The following FRMPD1 variants were observed in gnomAD, a reference collection of about 807,000 sequenced individuals.
FRMPD1 encodes the protein FERM and PDZ domain-containing protein 1.
FRMPD1 carries 76 observed loss-of-function variants against 117.8 expected under a neutral mutation model. The observed-to-expected ratio is 0.65, with a 90% CI of 0.54 to 0.78. The LOEUF (loss-of-function observed/expected upper bound fraction) is 0.78, where lower values mean the gene tolerates loss of function less well. Ranked by LOEUF, FRMPD1 falls within the 30% of genes least tolerant of loss-of-function variation. The pLI is 0.00. For synonymous variants in FRMPD1, 783 were observed against 770.4 expected, an observed-to-expected ratio of 1.02 and a Z score of -0.27; for missense variants, 1,786 against 1,964.5, an observed-to-expected ratio of 0.91 and a Z score of 1.72.
chr9:37,666,939 G>A (rs879771722), intron 1 of FRMPD1, among the ~76,000 whole-genome samples: 8 of 151,988 alleles, frequency 5.3e-5, no homozygotes, highest in Non-Finnish European at 1.2e-4. Context: ...CCTCCCAGTC[G>A]GTTCCGTCCT....
intron 1 of FRMPD1, among the ~76,000 whole-genome samples, chr9:37,658,267 G>T (rs1040298840): frequency 2.0e-5 from 3 of 152,146 alleles, no homozygotes; most frequent in Admixed American, 1.3e-4. Context: ...AGGCCAGTTA[G>T]GTCCCGGTGG....
At chr9:37,728,994 C>T (rs1218553366) in intron 7 of FRMPD1, among the ~76,000 whole-genome samples, 1 of 148,604 alleles carries the variant, frequency 6.7e-6, no homozygotes, top group Non-Finnish European at 1.5e-5. Context: ...CACTCAGTTG[C>T]ATAGTGAGTG....
At chr9:37,719,379 G>A (rs893252823) in intron 6 of FRMPD1, among the ~76,000 whole-genome samples, 1 of 152,174 alleles carries the variant, frequency 6.6e-6, no homozygotes, top group Non-Finnish European at 1.5e-5. Flanking sequence ...CCATGGGTGG[G>A]GACTGGGAAG....
the FRMPD1 span, among the ~76,000 whole-genome samples, chr9:37,626,500 C>CAA: frequency 0.13 from 11,124 of 87,140 alleles, 615 homozygotes; most frequent in Admixed American, 0.18. Flanking sequence ...GACTTAGTCT[C>CAA]AAAAAAAAAA....
the FRMPD1 span, among the ~76,000 whole-genome samples, chr9:37,642,030 T>C: frequency 6.6e-6 from 1 of 152,220 alleles, no homozygotes; most frequent in African/African-American, 2.4e-5. Context: ...CTTTGCTCTT[T>C]AAAATTTAAA....
intron 7 of FRMPD1, among the ~76,000 whole-genome samples, chr9:37,725,922 G>C (rs970385034): frequency 6.6e-6 from 1 of 152,240 alleles, no homozygotes; most frequent in Non-Finnish European, 1.5e-5. Context: ...TTAGACAAGA[G>C]TTCTACTTTC....
At chr9:37,607,439 G>GA in the FRMPD1 span, among the ~76,000 whole-genome samples, 4 of 151,396 alleles carry the variant, frequency 2.6e-5, no homozygotes, top group Admixed American at 6.6e-5. Context: ...CTCATTTAAG[G>GA]AAAAAAAACA....
At chr9:37,734,125 G>A (rs1434925880) in intron 12 of FRMPD1, among the ~76,000 whole-genome samples, 3 of 152,180 alleles carry the variant, frequency 2.0e-5, no homozygotes, top group African/African-American at 4.8e-5. Context: ...TATTGCTGTG[G>A]AGTTTGGAGA....
the FRMPD1 span, among the ~76,000 whole-genome samples, chr9:37,643,765 A>T: frequency 6.6e-6 from 1 of 152,112 alleles, no homozygotes; most frequent in East Asian, 1.9e-4. Context: ...CCTCTTGGGT[A>T]CAATAGTTCA....
At chr9:37,637,336 C>T in the FRMPD1 span, 57 of 927,284 alleles carry the variant, frequency 6.1e-5, no homozygotes, top group Non-Finnish European at 9.3e-5. Context: ...GTCGGCTCTG[C>T]TCCGCCTCCC....
At chr9:37,720,437 G>T (rs2118269105) in intron 6 of FRMPD1, among the ~76,000 whole-genome samples, 1 of 152,270 alleles carries the variant, frequency 6.6e-6, no homozygotes, top group Non-Finnish European at 1.5e-5. Context: ...GGCCGAGGCG[G>T]GCAGATCACA....
the FRMPD1 span, among the ~76,000 whole-genome samples, chr9:37,608,292 A>G: frequency 6.6e-6 from 1 of 152,244 alleles, no homozygotes; most frequent in Non-Finnish European, 1.5e-5. Flanking sequence ...ACTAGGATGC[A>G]TGCCCAACTC....
At chr9:37,660,849 AAGG>A (rs1208563357) in intron 1 of FRMPD1, among the ~76,000 whole-genome samples, 2 of 152,150 alleles carry the variant, frequency 1.3e-5, no homozygotes, top group Non-Finnish European at 2.9e-5. Flanking sequence ...CGGAGCCCAG[AAGG>A]AGGCCTGGGG....
chr9:37,665,304 C>T (rs1821127776), intron 1 of FRMPD1, among the ~76,000 whole-genome samples: 1 of 152,170 alleles, frequency 6.6e-6, no homozygotes, highest in Non-Finnish European at 1.5e-5. Context: ...TCAAAATTTT[C>T]TACCAGCCAC....
the FRMPD1 span, among the ~76,000 whole-genome samples, chr9:37,631,943 T>C: frequency 6.6e-6 from 1 of 152,088 alleles, no homozygotes; most frequent in Non-Finnish European, 1.5e-5. Flanking sequence ...ACAGTTAAGA[T>C]AATAATTTTA....
intron 15 of FRMPD1, among the ~76,000 whole-genome samples, chr9:37,743,517 C>G (rs56180490): frequency 1.2e-5 from 1 of 80,758 alleles, no homozygotes. Context: ...AAGAATGGCT[C>G]TGCTTTTTTT....
chr9:37,647,822 GGAA>G (rs1159812235), upstream of FRMPD1, among the ~76,000 whole-genome samples: 2 of 152,188 alleles, frequency 1.3e-5, no homozygotes, highest in Non-Finnish European at 2.9e-5. Context: ...AGGATTTAAA[GGAA>G]GAAGAAGTTT....
At position 37,701,510 on chromosome 9, in the gene FRMPD1, C is replaced by CGTGT. The variant is rs58458625; in HGVS notation, c.102-5877_102-5874dup. On this transcript the variant is annotated intron_variant, in intron 2 of 15. Transcript: ENST00000377765. ...GTGTGCGCGCGTGTGTGTGCATGTA[C>CGTGT]GTGTGTGTGTGTGTGTGTGTGTGTG... Among the ~76,000 whole-genome samples the CGTGT allele has an allele frequency of 4.4e-3, 644 of 146,898 alleles. 3 individuals carry two copies. The highest frequency in any genetic ancestry group is 0.015 in the African/African-American group (582 of 39,194).
At chr9:37,663,844 AGAGT>A (rs1216926735) in intron 1 of FRMPD1, among the ~76,000 whole-genome samples, 2 of 152,240 alleles carry the variant, frequency 1.3e-5, no homozygotes, top group African/African-American at 2.4e-5. Context: ...AATACCTAAT[AGAGT>A]GTAAATGCTA....
Sources: gnomAD v4.1 joint callset for allele counts (sites outside exome capture counted in the v4.1 genomes callset) on GRCh38, gnomAD v4.1.1 for gene constraint, MANE v1.5 for transcripts, NCBI Gene and HGNC (gene_info 2026-07-23, HGNC 2026-07-21) for gene names.